Variants in RANBP2 observed in about 807,000 individuals in gnomAD.
The protein encoded by RANBP2 is E3 SUMO-protein ligase RanBP2.
In RANBP2, 57 loss-of-function variants were observed where a neutral mutation model predicts 303.6. That is an observed-to-expected ratio of 0.19 (90% CI 0.15 to 0.23). The LOEUF (loss-of-function observed/expected upper bound fraction) is 0.23, where lower values mean the gene tolerates loss of function less well. RANBP2 is among the 10% of genes least tolerant of loss of function. The pLI is 1.00. For missense variants in RANBP2, 3,138 were observed against 3,780.8 expected, an observed-to-expected ratio of 0.83 and a Z score of 4.46; for synonymous variants, 1,167 against 1,301.5, an observed-to-expected ratio of 0.90 and a Z score of 2.23.
the RANBP2 span, among the ~76,000 whole-genome samples, chr2:109,632,177 G>C: frequency 6.6e-6 from 1 of 152,170 alleles, no homozygotes; most frequent in Admixed American, 6.5e-5. Context: ...ACGAGGAAAG[G>C]CCACTGAAGC....
chr2:109,495,218 C>G, the RANBP2 span, among the ~76,000 whole-genome samples: 1 of 152,136 alleles, frequency 6.6e-6, no homozygotes, highest in Admixed American at 6.5e-5. Context: ...CGGGTGTGGT[C>G]ATGGGAAATG....
chr2:108,854,627 AACC>A, the RANBP2 span, among the ~76,000 whole-genome samples: 1 of 152,268 alleles, frequency 6.6e-6, no homozygotes, highest in East Asian at 1.9e-4. Flanking sequence ...GGCTTAGCTC[AACC>A]ACCATTTTAT....
At chr2:109,730,978 G>A in the RANBP2 span, among the ~76,000 whole-genome samples, 1 of 152,056 alleles carries the variant, frequency 6.6e-6, no homozygotes, top group South Asian at 2.1e-4. Context: ...AGTAGAGACA[G>A]GGTTTCTCCA....
the RANBP2 span, among the ~76,000 whole-genome samples, chr2:109,623,321 C>T: frequency 6.6e-6 from 1 of 152,202 alleles, no homozygotes; most frequent in African/African-American, 2.4e-5. Context: ...CCTGCATGTC[C>T]CTCTCTGGTG....
the RANBP2 span, among the ~76,000 whole-genome samples, chr2:109,588,910 T>C: frequency 2.4e-5 from 3 of 123,878 alleles, no homozygotes; most frequent in African/African-American, 9.3e-5. Context: ...AGAAATGAAA[T>C]TGAGTCATAA....
the RANBP2 span, among the ~76,000 whole-genome samples, chr2:109,040,608 C>T: frequency 7.0e-3 from 1,066 of 152,188 alleles, 15 homozygotes; most frequent in African/African-American, 0.024. Flanking sequence ...TATCTCTTTG[C>T]ATTTGTTTAG....
intron 1 of RANBP2, among the ~76,000 whole-genome samples, chr2:108,724,051 C>G (rs1694497051): frequency 6.6e-6 from 1 of 152,192 alleles, no homozygotes; most frequent in Non-Finnish European, 1.5e-5. Context: ...CATCTTTTTT[C>G]TGAGTTAGAC....
the RANBP2 span, among the ~76,000 whole-genome samples, chr2:109,180,118 G>GT: frequency 0.032 from 4,677 of 146,412 alleles, 198 homozygotes; most frequent in African/African-American, 0.1. Flanking sequence ...CACAGGAGAA[G>GT]TTTTTTTTTT....
the RANBP2 span, among the ~76,000 whole-genome samples, chr2:108,952,927 T>C: frequency 6.6e-6 from 1 of 152,256 alleles, no homozygotes; most frequent in African/African-American, 2.4e-5. Flanking sequence ...TTTATGTTTC[T>C]GCTTTTAGTT....
chr2:108,727,581 A>ATACTCTTTATC (rs1400233681), intron 1 of RANBP2, among the ~76,000 whole-genome samples: 605 of 150,950 alleles, frequency 4.0e-3, no homozygotes, highest in Non-Finnish European at 6.6e-3. Flanking sequence ...ACATGGATGG[A>ATACTCTTTATC]ACATACTCTG....
the RANBP2 span, among the ~76,000 whole-genome samples, chr2:108,855,372 A>G: frequency 6.6e-6 from 1 of 152,194 alleles, no homozygotes; most frequent in Admixed American, 6.5e-5. Flanking sequence ...GTCAAATTAT[A>G]TACTAAGAAT....
At chr2:109,314,275 T>C in the RANBP2 span, among the ~76,000 whole-genome samples, 1 of 152,194 alleles carries the variant, frequency 6.6e-6, no homozygotes, top group South Asian at 2.1e-4. Context: ...GCATATGTTT[T>C]AGGAGAAAGT....
chr2:109,169,032 G>A, the RANBP2 span, among the ~76,000 whole-genome samples: 1 of 152,164 alleles, frequency 6.6e-6, no homozygotes, highest in East Asian at 1.9e-4. Context: ...ACTCTCCCTT[G>A]GTCACTGAGG....
the RANBP2 span, among the ~76,000 whole-genome samples, chr2:109,647,116 TC>T: frequency 1.3e-5 from 2 of 150,942 alleles, no homozygotes; most frequent in Non-Finnish European, 2.9e-5. Context: ...CTGTGCGTGA[TC>T]CTTTTGGGAA....
the RANBP2 span, among the ~76,000 whole-genome samples, chr2:109,045,863 C>T: frequency 1.9e-4 from 29 of 152,210 alleles, no homozygotes; most frequent in Non-Finnish European, 3.5e-4. Flanking sequence ...GTGCTGTATC[C>T]GTCTCCAGTG....
the RANBP2 span, among the ~76,000 whole-genome samples, chr2:108,807,123 T>A: frequency 6.6e-6 from 1 of 152,056 alleles, no homozygotes; most frequent in African/African-American, 2.4e-5. Context: ...TAACTGAGAA[T>A]GAAGAAAAAA....
the RANBP2 span, among the ~76,000 whole-genome samples, chr2:109,489,877 A>T: frequency 6.6e-6 from 1 of 152,174 alleles, no homozygotes; most frequent in Non-Finnish European, 1.5e-5. Flanking sequence ...ATCTGGGATT[A>T]CAGGCAAGTG....
intron 6 of RANBP2, among the ~76,000 whole-genome samples, chr2:108,739,549 C>T (rs1372473142): frequency 6.6e-6 from 1 of 152,144 alleles, no homozygotes; most frequent in Non-Finnish European, 1.5e-5. Flanking sequence ...GATCTTTAGA[C>T]CTCACTTGCT....
At chr2:109,583,490 A>G in the RANBP2 span, among the ~76,000 whole-genome samples, 1 of 152,186 alleles carries the variant, frequency 6.6e-6, no homozygotes, top group South Asian at 2.1e-4. Flanking sequence ...AAAACACAAC[A>G]GATACTGGCG....
Sources: gnomAD v4.1 joint callset for allele counts (sites outside exome capture counted in the v4.1 genomes callset) on GRCh38, gnomAD v4.1.1 for gene constraint, MANE v1.5 for transcripts, NCBI Gene and HGNC (gene_info 2026-07-23, HGNC 2026-07-21) for gene names.